ZNF69: variants seen among roughly 807,000 people sequenced by gnomAD.
ZNF69 encodes the protein zinc finger protein 69, also known as ZNF3.
ZNF69 carries 47 observed loss-of-function variants against 50.9 expected under a neutral mutation model. The observed-to-expected ratio is 0.92, with a 90% CI of 0.73 to 1.18. The LOEUF is 1.18. ZNF69 is among the 50% of genes most tolerant of loss of function. The probability of loss-of-function intolerance (pLI) is 0.00; values close to 1 mark genes in which losing one functional copy is unlikely to be tolerated. For synonymous variants in ZNF69, 216 were observed against 223.1 expected, an observed-to-expected ratio of 0.97 and a Z score of 0.29; for missense variants, 717 against 675.1, an observed-to-expected ratio of 1.06 and a Z score of -0.69.
At chr19:11,917,478 G>A (rs920058632), downstream of ZNF69, among the ~76,000 whole-genome samples, 1 of 152,172 alleles carries the variant, frequency 6.6e-6, no homozygotes. Context: ...CGGTCCAAGT[G>A]GTTCCTAAGC....
chr19:11,954,068 C>T, the ZNF69 span, among the ~76,000 whole-genome samples: 21 of 152,144 alleles, frequency 1.4e-4, 1 homozygote, highest in South Asian at 4.2e-3. Flanking sequence ...AAAAAAATTT[C>T]AGATCAAGGA....
At chr19:11,943,094 A>G in the ZNF69 span, among the ~76,000 whole-genome samples, 1 of 152,176 alleles carries the variant, frequency 6.6e-6, no homozygotes, top group Non-Finnish European at 1.5e-5. Context: ...CAGGGGAGTA[A>G]CAAGCAGGTT....
the ZNF69 span, among the ~76,000 whole-genome samples, chr19:11,938,158 T>A: frequency 1.3e-5 from 2 of 151,686 alleles, no homozygotes; most frequent in East Asian, 3.9e-4. Flanking sequence ...AACCTCCATC[T>A]CCCAGGTTCA....
At chr19:11,956,293 G>C in the ZNF69 span, among the ~76,000 whole-genome samples, 1 of 152,176 alleles carries the variant, frequency 6.6e-6, no homozygotes, top group Admixed American at 6.5e-5. Flanking sequence ...ACAAGGAAGA[G>C]AGTTAATCTT....
chr19:11,956,356 A>G, the ZNF69 span: 1 of 379,062 alleles, frequency 2.6e-6, no homozygotes, highest in Non-Finnish European at 4.7e-6. Flanking sequence ...CACATTTCTC[A>G]ATATGTTTAT....
chr19:11,953,500 G>A, the ZNF69 span: 1 of 152,208 alleles, frequency 6.6e-6, no homozygotes, highest in Admixed American at 6.5e-5. Context: ...TCTGCATCTG[G>A]TTAGACAAGG....
chr19:11,974,550 G>T, the ZNF69 span, among the ~76,000 whole-genome samples: 9 of 135,462 alleles, frequency 6.6e-5, no homozygotes, highest in Non-Finnish European at 1.4e-4. Flanking sequence ...TCATATGTTT[G>T]TTTGACATAA....
At chr19:11,973,591 G>T in the ZNF69 span, among the ~76,000 whole-genome samples, 79 of 152,206 alleles carry the variant, frequency 5.2e-4, no homozygotes, top group Middle Eastern at 0.01. Flanking sequence ...CTATTGAAAG[G>T]CTCATCCTGA....
the ZNF69 span, among the ~76,000 whole-genome samples, chr19:11,938,919 T>C: frequency 6.6e-6 from 1 of 152,214 alleles, no homozygotes; most frequent in Non-Finnish European, 1.5e-5. Context: ...ATTGCCATTC[T>C]AACTGGTGTG....
chr19:11,904,501 G>A (rs1479298872), intron 3 of ZNF69, 148 bp from the exon 4 acceptor site: 1 of 1,160,660 alleles, frequency 8.6e-7, no homozygotes, highest in East Asian at 2.6e-5. Context: ...TTGTACAATG[G>A]GTTGTCCAGT....
the ZNF69 span, among the ~76,000 whole-genome samples, chr19:11,936,949 T>C: frequency 6.6e-6 from 1 of 152,232 alleles, no homozygotes; most frequent in Non-Finnish European, 1.5e-5. Context: ...TAGGGAATCG[T>C]TTCCCCATTT....
At chr19:11,958,798 G>A in the ZNF69 span, among the ~76,000 whole-genome samples, 17 of 152,274 alleles carry the variant, frequency 1.1e-4, no homozygotes, top group South Asian at 8.3e-4. Context: ...AGCTGCCTCC[G>A]TTTTGTTTCT....
chr19:11,922,524 T>G, the ZNF69 span, among the ~76,000 whole-genome samples: 18,562 of 152,142 alleles, frequency 0.12, 1,538 homozygotes, highest in Non-Finnish European at 0.19. Flanking sequence ...TATGAGGAAG[T>G]TCAGGGAACA....
At chr19:11,967,896 CTG>C in the ZNF69 span, among the ~76,000 whole-genome samples, 1 of 152,162 alleles carries the variant, frequency 6.6e-6, no homozygotes, top group Non-Finnish European at 1.5e-5. Flanking sequence ...ATTTATTACT[CTG>C]TTGATTTAAA....
chr19:11,892,668 T>A (rs1424770146), intron 1 of ZNF69, among the ~76,000 whole-genome samples: 1 of 152,044 alleles, frequency 6.6e-6, no homozygotes, highest in Non-Finnish European at 1.5e-5. Flanking sequence ...CCTTCAGTCA[T>A]TTACAACATT....
chr19:11,920,301 C>G, the ZNF69 span, among the ~76,000 whole-genome samples: 12,884 of 151,934 alleles, frequency 0.085, 1,073 homozygotes, highest in African/African-American at 0.21. Flanking sequence ...TAGTTAGAGA[C>G]AAGGTTTCAC....
At chr19:11,970,959 A>G in the ZNF69 span, among the ~76,000 whole-genome samples, 1 of 152,098 alleles carries the variant, frequency 6.6e-6, no homozygotes, top group Non-Finnish European at 1.5e-5. Context: ...CTAAAAAACT[A>G]GATGCCCTGG....
downstream of ZNF69, among the ~76,000 whole-genome samples, chr19:11,916,579 C>T: frequency 6.6e-6 from 1 of 152,172 alleles, no homozygotes; most frequent in Non-Finnish European, 1.5e-5. Context: ...CATGCTACTG[C>T]ACTCCAGCCT....
At chr19:11,937,767 T>C in the ZNF69 span, among the ~76,000 whole-genome samples, 3 of 152,098 alleles carry the variant, frequency 2.0e-5, no homozygotes, top group Non-Finnish European at 2.9e-5. Flanking sequence ...GGATTACAAG[T>C]GTGAGCCACC....
Sources: allele counts gnomAD v4.1 joint callset (sites outside exome capture counted in the v4.1 genomes callset), GRCh38; gene constraint gnomAD v4.1.1; transcripts MANE v1.5; gene names NCBI Gene and HGNC (gene_info 2026-07-23, HGNC 2026-07-21).